Variants in PLAGL1 observed in about 807,000 individuals in gnomAD.
PLAGL1 encodes PLAG1 like zinc finger 1.
In PLAGL1, 1 loss-of-function variant was observed where a neutral mutation model predicts 4.6. The observed-to-expected ratio is 0.22, with a 90% CI of 0.08 to 1.03. The LOEUF is 1.03. Among genes scored for constraint, PLAGL1 ranks in the 50% least tolerant of loss-of-function variants. PLAGL1 has a pLI of 0.58. For synonymous variants in PLAGL1, 240 were observed against 237.8 expected (o/e 1.01, Z -0.08); for missense variants, 464 against 570.4 (o/e 0.81, Z 1.90).
At chr6:144,029,982 G>GGT (rs1796675887) in intron 1 of PLAGL1, among the ~76,000 whole-genome samples, 1 of 152,088 alleles carries the variant, frequency 6.6e-6, no homozygotes, top group African/African-American at 2.4e-5. Context: ...GACTGGGCGC[G>GGT]GTGGCTCACG....
rs1390347764 is a variant in PLAGL1, at chr6:143,957,662, A to T, written c.-325+2807T>A. ...GAGGATATAGGCTCACATTGAGAAG[A>T]GAAATGTGAAAAGCATATTAGTTAC... On this transcript the variant is annotated intron_variant, in intron 6 of 7. Transcript: ENST00000674357. This position sits in a 1 kb window ranked among gnomAD's most constrained non-coding sequence, Gnocchi z 4.2. 6.6e-6 allele frequency among the ~76,000 whole-genome samples: 1 copy of T among 152,232 alleles called. No individual in the cohort carries two copies. The highest frequency in any genetic ancestry group is 1.5e-5 in the Non-Finnish European group (1 of 68,040).
rs192319010 is a variant in PLAGL1, at chr6:144,039,494, G to A, written c.-151+24974C>T. ...CCAGCTACTCAAGAGGCTGAGACACGAGAATTGCTTGAACCTGGGAGGTGG... is the reference window on the plus strand; with the variant it reads ...CCAGCTACTCAAGAGGCTGAGACACAAGAATTGCTTGAACCTGGGAGGTGG... On this transcript the variant is annotated intron_variant, in intron 1 of 3. Coordinates refer to the PLAGL1 transcript ENST00000437412. The surrounding 1 kb of genome is among the most constrained non-coding windows in gnomAD (Gnocchi z 4.1). 5.7e-4 allele frequency among the ~76,000 whole-genome samples: 87 copies of A among 152,312 alleles called. No individual in the cohort carries two copies. The highest frequency in any genetic ancestry group is 1.9e-3 in the African/African-American group (78 of 41,566).
rs868846678 is a variant in PLAGL1, at chr6:143,979,940, C to T, written c.-544+5195G>A. Among the ~76,000 whole-genome samples the T allele has an allele frequency of 6.6e-6, 1 of 152,040 alleles. No homozygotes were observed. The highest frequency in any genetic ancestry group is 2.4e-5 in the African/African-American group (1 of 41,438). On this transcript the variant is annotated intron_variant, in intron 2 of 7. Coordinates refer to ENST00000674357, the MANE Select transcript of PLAGL1 (RefSeq NM_001317162.2). The surrounding 1 kb of genome is among the most constrained non-coding windows in gnomAD (Gnocchi z 4.6). ...CTTTATTTCACCTGTTATTTTCCTA[C>T]CAAAGAAAGTGCTTGCATGTTTCAC...
intron 2 of PLAGL1, among the ~76,000 whole-genome samples, chr6:143,980,777 A>G (rs1338014544): frequency 3.3e-5 from 5 of 152,160 alleles, no homozygotes; most frequent in Non-Finnish European, 7.3e-5. Context: ...CATATTGCAT[A>G]CTTTATTAAT....
intron 7 of PLAGL1, among the ~76,000 whole-genome samples, chr6:143,943,948 T>C (rs930565468): frequency 2.0e-5 from 3 of 152,204 alleles, no homozygotes; most frequent in Non-Finnish European, 4.4e-5. Flanking sequence ...TTGTCATCCT[T>C]AAGCTTTAAA....
At position 144,004,025 on chromosome 6, in the gene PLAGL1, G is replaced by A. The variant is rs1019013560; in HGVS notation, c.-584+4065C>T. Among the ~76,000 whole-genome samples the A allele has an allele frequency of 6.6e-6, 1 of 152,114 alleles. No homozygotes were observed. Among genetic ancestry groups the A allele is most frequent in the African/African-American group, 2.4e-5 (1 of 41,426 alleles). On this transcript the variant is annotated intron_variant, in intron 1 of 7. Coordinates refer to ENST00000674357, the MANE Select transcript of PLAGL1 (RefSeq NM_001317162.2). The surrounding 1 kb of genome is among the most constrained non-coding windows in gnomAD (Gnocchi z 4.2). ...CGACAAGAAAATGAATAAGTAAATTGCTCATATTATATATCCACATAATGT... is the reference window on the plus strand; with the variant it reads ...CGACAAGAAAATGAATAAGTAAATTACTCATATTATATATCCACATAATGT...
Position 143,989,325 on chromosome 6 carries a change from CATT to C in PLAGL1, c.-583-4154_-583-4152del, listed in dbSNP as rs937682642. On this transcript the variant is annotated intron_variant, in intron 1 of 7. Transcript: ENST00000674357. The surrounding 1 kb of genome is among the most constrained non-coding windows in gnomAD (Gnocchi z 4.8). ...ACTGTGCCACAAGTGCCAGGTTAAA[CATT>C]ATTTCTGGCTACGTCCATGCAGGTA... Among the ~76,000 whole-genome samples the C allele has an allele frequency of 2.0e-5, 3 of 152,200 alleles. No individual in the cohort carries two copies. The highest frequency in any genetic ancestry group is 7.2e-5 in the African/African-American group (3 of 41,456).
In PLAGL1 at chr6:143,965,692, G is replaced by A. The variant is rs1562448643; in HGVS notation, c.-431+466C>T. ...ACGGAAGCTAGGGTGTGTTGGGCAA[G>A]TAAGCAGAGGTTGCTTGCTTTACCG... On this transcript the variant is annotated intron_variant, in intron 4 of 7. Coordinates refer to ENST00000674357, the MANE Select transcript of PLAGL1 (RefSeq NM_001317162.2). This position sits in a 1 kb window ranked among gnomAD's most constrained non-coding sequence, Gnocchi z 7.5. The A allele has an allele frequency of 6.6e-6, 1 of 152,322 alleles. No individual in the cohort carries two copies. Among genetic ancestry groups the A allele is most frequent in the Non-Finnish European group, 1.5e-5 (1 of 68,110 alleles). 9.4% of individuals were successfully genotyped at this position (152,322 alleles called of 1,614,324 possible).
chr6:144,020,914 T>C (rs955531444), intron 1 of PLAGL1, among the ~76,000 whole-genome samples: 17 of 147,168 alleles, frequency 1.2e-4, no homozygotes, highest in African/African-American at 4.2e-4. Flanking sequence ...ATATATTTAA[T>C]ATAAAACTAT....
Position 144,039,340 on chromosome 6 carries a change from T to G in PLAGL1, c.-151+25128A>C, listed in dbSNP as rs2128715190. Among the ~76,000 whole-genome samples the G allele has an allele frequency of 1.3e-5, 2 of 152,240 alleles. No individual in the cohort carries two copies. The highest frequency in any genetic ancestry group is 4.1e-4 in the South Asian group (2 of 4,826). On this transcript the variant is annotated intron_variant, in intron 1 of 3. Coordinates refer to the PLAGL1 transcript ENST00000437412. The surrounding 1 kb of genome is among the most constrained non-coding windows in gnomAD (Gnocchi z 4.1). Reference sequence around the variant, plus strand: ...TGGCTCACACCTGTAATCTCAACACTTTGGGAGGCAGAAGTGGGTGGATCA... The same window carrying G: ...TGGCTCACACCTGTAATCTCAACACGTTGGGAGGCAGAAGTGGGTGGATCA...
Position 143,950,762 on chromosome 6 carries a change from A to G in PLAGL1, c.-324-2302T>C, listed in dbSNP as rs561230690. On this transcript the variant is annotated intron_variant, in intron 6 of 7. Transcript: ENST00000674357. This position sits in a 1 kb window ranked among gnomAD's most constrained non-coding sequence, Gnocchi z 6.3. Reference sequence around the variant, plus strand: ...TATCTCAGTAAGTTGATTCTCCCCAATTCTTGCTTTATGAGATGACTGGCA... The same window carrying G: ...TATCTCAGTAAGTTGATTCTCCCCAGTTCTTGCTTTATGAGATGACTGGCA... 8.6e-4 allele frequency among the ~76,000 whole-genome samples: 131 copies of G among 152,210 alleles called. No homozygotes were observed. In the Middle Eastern group the frequency reaches 0.01, roughly 12 times the overall value.
chr6:144,041,552 T>A (rs111229216), intron 1 of PLAGL1, among the ~76,000 whole-genome samples: 1 of 152,236 alleles, frequency 6.6e-6, no homozygotes. Flanking sequence ...ATGGTGTATA[T>A]GTGCCACATT....
intron 7 of PLAGL1, among the ~76,000 whole-genome samples, chr6:143,946,240 T>C (rs1779758342): frequency 6.6e-6 from 1 of 152,224 alleles, no homozygotes. Flanking sequence ...CTCAAACTCA[T>C]GTTGTTCAAG....
In PLAGL1 at chr6:143,958,782, G is replaced by C. The variant is rs1314853130; in HGVS notation, c.-325+1687C>G. The stretch of plus-strand genomic sequence containing the variant: ...TTTTAAAAGAAAATGGCACTGAAGA[G>C]ACAAGGCAAGTTTTCCAAGCGACAA... On this transcript the variant is annotated intron_variant, in intron 6 of 7. Transcript: ENST00000674357. This position sits in a 1 kb window ranked among gnomAD's most constrained non-coding sequence, Gnocchi z 5.1. Among the ~76,000 whole-genome samples the C allele has an allele frequency of 6.6e-6, 1 of 152,154 alleles. No individual in the cohort carries two copies. Among genetic ancestry groups the C allele is most frequent in the Non-Finnish European group, 1.5e-5 (1 of 68,026 alleles).
chr6:144,058,484 G>A (rs571387053), intron 1 of PLAGL1, among the ~76,000 whole-genome samples: 1 of 152,186 alleles, frequency 6.6e-6, no homozygotes, highest in Admixed American at 6.5e-5. Context: ...ATTACAAAGT[G>A]CAATCATCCC....
At chr6:143,977,470 C>CTTTTTTTTTTTT (rs34750629) in intron 2 of PLAGL1, among the ~76,000 whole-genome samples, 58 of 69,336 alleles carry the variant, frequency 8.4e-4, no homozygotes, top group East Asian at 2.7e-3. Flanking sequence ...TCTTCTTCTT[C>CTTTTTTTTTTTT]TTTTTTTTTT....
chr6:144,044,231 G>C (rs1797955418), intron 1 of PLAGL1, among the ~76,000 whole-genome samples: 2 of 152,056 alleles, frequency 1.3e-5, no homozygotes, highest in African/African-American at 4.8e-5. Flanking sequence ...TTTTGAATTT[G>C]TTTGCTCTTG....
rs1298404083 is a variant in PLAGL1 at position 143,993,394 on chromosome 6, T to C, written c.-583-8220A>G. On this transcript the variant is annotated intron_variant, in intron 1 of 7. Transcript: ENST00000674357. ...CAATTGACATGTGTATTGGTTATTA[T>C]TGGCTTCATTTGACAAAGTATTTCA... is the stretch of plus-strand genomic sequence containing the variant. Among the ~76,000 whole-genome samples the C allele has an allele frequency of 2.6e-5, 4 of 151,352 alleles. No homozygotes were observed. The South Asian group carries it at 6.3e-4, about 24-fold the overall frequency.
At chr6:144,044,986 G>T (rs1423597605) in intron 1 of PLAGL1, among the ~76,000 whole-genome samples, 1 of 132,244 alleles carries the variant, frequency 7.6e-6, no homozygotes. Flanking sequence ...CAGAGACTAG[G>T]ATTGCAACCC....
Sources: allele counts gnomAD v4.1 joint callset (sites outside exome capture counted in the v4.1 genomes callset), GRCh38; gene constraint gnomAD v4.1.1; non-coding constraint Gnocchi (gnomAD v3.1); transcripts MANE v1.5; gene names NCBI Gene and HGNC (gene_info 2026-07-23, HGNC 2026-07-21).